The following TMEM177 variants were observed in gnomAD, a reference collection of about 807,000 sequenced individuals.
TMEM177 encodes the protein transmembrane protein 177.
A neutral mutation model predicts 14.2 loss-of-function variants in TMEM177; 4 were observed. The observed-to-expected ratio is 0.28, with a 90% CI of 0.14 to 0.64. TMEM177 has a LOEUF of 0.64. TMEM177 is among the 30% of genes least tolerant of loss of function. The pLI is 0.82. For synonymous variants in TMEM177, 179 were observed against 174.5 expected (o/e 1.03, Z -0.20); for missense variants, 344 against 405.2 (o/e 0.85, Z 1.30).
At chr2:119,715,525 C>T in the TMEM177 span, among the ~76,000 whole-genome samples, 181 of 152,224 alleles carry the variant, frequency 1.2e-3, no homozygotes, top group African/African-American at 4.2e-3. Flanking sequence ...CTTCAAGTTT[C>T]GACTCAAGAT....
chr2:119,720,940 C>T, the TMEM177 span, among the ~76,000 whole-genome samples: 1 of 152,184 alleles, frequency 6.6e-6, no homozygotes. Flanking sequence ...TGTCTCCCTT[C>T]TGTTCTATCA....
chr2:119,715,454 G>C, the TMEM177 span, among the ~76,000 whole-genome samples: 1 of 152,086 alleles, frequency 6.6e-6, no homozygotes, highest in African/African-American at 2.4e-5. Context: ...AGAGTATCTC[G>C]CACAGCAGCA....
chr2:119,686,695 A>G (rs938628452), downstream of TMEM177, among the ~76,000 whole-genome samples: 1 of 151,018 alleles, frequency 6.6e-6, no homozygotes, highest in African/African-American at 2.4e-5. Context: ...TCCCCCTAGT[A>G]CTGGGAATAC....
the TMEM177 span, among the ~76,000 whole-genome samples, chr2:119,696,319 G>A: frequency 6.6e-6 from 1 of 152,158 alleles, no homozygotes; most frequent in African/African-American, 2.4e-5. Context: ...ACCCCAGTAG[G>A]ACTAGACCTG....
chr2:119,689,877 G>A (rs933353311), downstream of TMEM177, among the ~76,000 whole-genome samples: 1 of 152,204 alleles, frequency 6.6e-6, no homozygotes, highest in Non-Finnish European at 1.5e-5. Flanking sequence ...TATAACAACA[G>A]AGGGTTGGAG....
At chr2:119,679,775 A>G (rs1006462195) in intron 1 of TMEM177, among the ~76,000 whole-genome samples, 8 of 152,206 alleles carry the variant, frequency 5.3e-5, no homozygotes, top group African/African-American at 1.9e-4. Flanking sequence ...ATGGGATTGA[A>G]GTTGATGGAT....
rs527371717 is a variant in TMEM177 at position 119,681,236 on chromosome 2, C to G, written c.383C>G (p.Thr128Arg). Residue 128 changes from threonine to arginine, a missense_variant, in exon 2 of 2, where the codon ACA becomes AGA. By Grantham distance (71) the Thr-to-Arg change is moderately conservative. Transcript: ENST00000272521. ...TNHPVVIHGH[T>R]VDWRSPAGAR... is the part of the protein sequence containing the mutation. Reference sequence around the variant, plus strand: ...CATCCCGTGGTCATACATGGGCATACAGTGGACTGGCGGAGCCCAGCAGGC... The same window carrying G: ...CATCCCGTGGTCATACATGGGCATAGAGTGGACTGGCGGAGCCCAGCAGGC... 1.9e-6 allele frequency: 3 copies of G among 1,614,284 alleles called. No individual in the cohort carries two copies. Among genetic ancestry groups the G allele is most frequent in the South Asian group, 2.2e-5 (2 of 91,086 alleles).
the TMEM177 span, among the ~76,000 whole-genome samples, chr2:119,706,577 CT>C: frequency 4.0e-5 from 6 of 151,472 alleles, no homozygotes; most frequent in East Asian, 5.8e-4. Flanking sequence ...AGCTAGCTTC[CT>C]TTTTTTTTCT....
chr2:119,682,059 G>A lies in TMEM177; in HGVS notation c.*270G>A, dbSNP rs1688922197. The A allele has an allele frequency of 4.8e-6, 2 of 419,642 alleles. No homozygotes were observed. Among genetic ancestry groups the A allele is most frequent in the Non-Finnish European group, 8.8e-6 (2 of 227,152 alleles). The allele number at this position is 419,642 out of a possible 1,614,324, so 26.0% of individuals were successfully genotyped here. A position where few individuals can be genotyped will look rare whatever the true frequency, so the allele number is the denominator to read the frequency against. On this transcript the variant is annotated 3_prime_UTR_variant, in exon 2 of 2. Transcript: ENST00000272521. ...TTGCAAGATTGTAGAGTTGGGTAAGGTCATGAACATAAGGGCCTGGCACAA... is the reference window on the plus strand; with the variant it reads ...TTGCAAGATTGTAGAGTTGGGTAAGATCATGAACATAAGGGCCTGGCACAA...
the TMEM177 span, among the ~76,000 whole-genome samples, chr2:119,695,481 G>A: frequency 6.6e-6 from 1 of 152,090 alleles, no homozygotes; most frequent in African/African-American, 2.4e-5. Flanking sequence ...CTTGCATCCT[G>A]GGCACCTGGC....
chr2:119,687,674 T>C (rs1481261084), downstream of TMEM177, among the ~76,000 whole-genome samples: 1 of 152,056 alleles, frequency 6.6e-6, no homozygotes, highest in Non-Finnish European at 1.5e-5. Flanking sequence ...GAGATGTGGG[T>C]GGGGACACAA....
chr2:119,695,644 T>C, the TMEM177 span, among the ~76,000 whole-genome samples: 668 of 152,380 alleles, frequency 4.4e-3, 2 homozygotes, highest in Non-Finnish European at 6.4e-3. Context: ...GCACCCGCTA[T>C]GTACAAGCCA....
chr2:119,680,395 T>C (rs1220931934), intron 1 of TMEM177, among the ~76,000 whole-genome samples: 1 of 152,186 alleles, frequency 6.6e-6, no homozygotes, highest in African/African-American at 2.4e-5. Context: ...GAACTGAGTC[T>C]AGCATATAGT....
chr2:119,703,384 T>C, the TMEM177 span, among the ~76,000 whole-genome samples: 1 of 152,142 alleles, frequency 6.6e-6, no homozygotes, highest in Admixed American at 6.5e-5. Context: ...CCCCATCCAC[T>C]GAGTCATGTA....
chr2:119,693,339 C>T, the TMEM177 span, among the ~76,000 whole-genome samples: 1 of 152,206 alleles, frequency 6.6e-6, no homozygotes, highest in Non-Finnish European at 1.5e-5. Flanking sequence ...GAATGGGCAT[C>T]TCAGTCATGC....
At chr2:119,719,200 A>G in the TMEM177 span, among the ~76,000 whole-genome samples, 8 of 152,056 alleles carry the variant, frequency 5.3e-5, no homozygotes, top group African/African-American at 1.9e-4. Context: ...CCCCTTTCCA[A>G]TCACTACCCT....
chr2:119,690,022 A>G (rs557131963), downstream of TMEM177, among the ~76,000 whole-genome samples: 13 of 152,284 alleles, frequency 8.5e-5, no homozygotes, highest in South Asian at 2.7e-3. Flanking sequence ...GGTCAAAGGT[A>G]AGTCATAGCA....
At chr2:119,712,198 G>A in the TMEM177 span, among the ~76,000 whole-genome samples, 7 of 151,784 alleles carry the variant, frequency 4.6e-5, no homozygotes, top group Non-Finnish European at 1.0e-4. Context: ...TAAAAATGGA[G>A]ATAGCACCTC....
chr2:119,685,822 T>C (rs2104854322), downstream of TMEM177: 8 of 679,120 alleles, frequency 1.2e-5, no homozygotes, highest in Middle Eastern at 4.8e-4. Context: ...TGCAGACTTA[T>C]ACTGTGGACT....
Sources: gnomAD v4.1 joint callset for allele counts (sites outside exome capture counted in the v4.1 genomes callset) on GRCh38, gnomAD v4.1.1 for gene constraint, MANE v1.5 for transcripts, NCBI Gene and HGNC (gene_info 2026-07-23, HGNC 2026-07-21) for gene names.